The following ZNF263 variants were observed in gnomAD, a reference collection of about 807,000 sequenced individuals.
The protein encoded by ZNF263 is zinc finger protein 263.
A neutral mutation model predicts 63.1 loss-of-function variants in ZNF263; 49 were observed. The ratio of observed to expected loss-of-function variants is 0.78; its 90% CI spans 0.62 to 0.99. ZNF263 has a LOEUF of 0.99. ZNF263 is among the 50% of genes least tolerant of loss of function. The pLI is 0.00. For synonymous variants in ZNF263, 352 were observed against 324.2 expected (o/e 1.09, Z -0.92); for missense variants, 872 against 854.8 (o/e 1.02, Z -0.25).
chr16:3,292,015 T>C (rs1959624845), downstream of ZNF263, among the ~76,000 whole-genome samples: 1 of 152,186 alleles, frequency 6.6e-6, no homozygotes, highest in Admixed American at 6.5e-5. Context: ...TCAAGCCTTC[T>C]TCCCATCTTG....
chr16:3,290,194 C>T lies in ZNF263; in HGVS notation c.1688C>T (p.Thr563Ile), dbSNP rs895122062. 1 of 1,614,152 alleles carries T rather than the reference C, an allele frequency of 6.2e-7. No homozygotes were observed. Among genetic ancestry groups the T allele is most frequent in the Non-Finnish European group, 8.5e-7 (1 of 1,180,034 alleles). Residue 563 changes from threonine to isoleucine, a missense_variant, in exon 6 of 6, where the codon ACA (threonine) becomes ATA (isoleucine). Physicochemically the swap from Thr to Ile is moderately conservative, Grantham distance 89 (BLOSUM62 -1). Coordinates refer to ENST00000219069, the MANE Select transcript of ZNF263 (RefSeq NM_005741.5). ...EAVSDSTPFL[T>I]NHGAHKAEKK... is the part of the protein sequence containing the mutation. ...GTGAGTGACAGCACCCCCTTTCTTA[C>T]AAACCATGGAGCCCATAAGGCAGAG...
In ZNF263 at chr16:3,284,217, A is replaced by C; in HGVS notation, c.387+12A>C. On this transcript the variant is annotated intron_variant, in intron 1 of 5. Coordinates refer to ENST00000219069, the MANE Select transcript of ZNF263 (RefSeq NM_005741.5). ...GACTGAGACAACAGGTGAGAGAGAG[A>C]GAGAGCTGTTTTATCTGTGGTTTGT... is the stretch of plus-strand genomic sequence containing the variant. The C allele has an allele frequency of 2.0e-6, 3 of 1,514,904 alleles. No individual in the cohort carries two copies. The highest frequency in any genetic ancestry group is 1.8e-6 in the Non-Finnish European group (2 of 1,130,392). The allele number at this position is 1,514,904 out of a possible 1,614,324, so 93.8% of individuals were successfully genotyped here. A position where few individuals can be genotyped will look rare whatever the true frequency, so the allele number is the denominator to read the frequency against.
Position 3,283,843 on chromosome 16 carries a change from G to T in ZNF263, c.25G>T (p.Glu9Ter). ...GATGGCGTCGGGCCCGGGCTCCCAG[G>T]AACGGGAAGGGCTCCTGATAGTGAA... MASGPGSQEREGLLIVKLE... is the reference protein window; with the variant it reads MASGPGSQ Residue 9 changes from glutamate (E) to a stop codon, truncating the protein, a stop_gained, in exon 1 of 6, where the codon GAA becomes TAA. Transcript: ENST00000219069. LOFTEE classifies it high-confidence loss of function. 1 of 1,584,198 alleles carries T rather than the reference G, an allele frequency of 6.3e-7. No homozygotes were observed. Among genetic ancestry groups the T allele is most frequent in the African/African-American group, 1.3e-5 (1 of 74,092 alleles).
downstream of ZNF263, among the ~76,000 whole-genome samples, chr16:3,295,103 T>C (rs1339666354): frequency 1.3e-5 from 2 of 152,138 alleles, no homozygotes; most frequent in Non-Finnish European, 2.9e-5. Flanking sequence ...CAGGAGTGAT[T>C]TGCAGAACCA....
chr16:3,285,434 C>A (rs1959310466), intron 2 of ZNF263, among the ~76,000 whole-genome samples, 195 bp downstream of exon 2: 2 of 152,148 alleles, frequency 1.3e-5, no homozygotes, highest in African/African-American at 4.8e-5. Flanking sequence ...CTCAGTAGAG[C>A]CCTTTTTTAT....
chr16:3,299,223 T>C (rs748253409), intron 2 of ZNF263: 2 of 1,608,334 alleles, frequency 1.2e-6, no homozygotes, highest in African/African-American at 1.3e-5. Flanking sequence ...CTTCTCCTCC[T>C]TTTTGAACAA....
intron 1 of ZNF263, 92 bp from the exon 2 acceptor site, chr16:3,284,967 T>A (rs1014058615): frequency 1.3e-5 from 19 of 1,489,402 alleles, no homozygotes; most frequent in Non-Finnish European, 1.2e-5. Context: ...CGCCTGAGGT[T>A]CTCTGTTGAA....
rs752154335 is a variant in ZNF263, at chr16:3,290,591, G to T, written c.*33G>T. On this transcript the variant is annotated 3_prime_UTR_variant, in exon 6 of 6. Transcript: ENST00000219069. Reference sequence around the variant, plus strand: ...GGGGTTTCTCTTTGCCCCAGGTGAGGTGGCATATTCAGAGGAGCCTGTTGG... The same window carrying T: ...GGGGTTTCTCTTTGCCCCAGGTGAGTTGGCATATTCAGAGGAGCCTGTTGG... The T allele has an allele frequency of 1.9e-6, 3 of 1,569,234 alleles. No homozygotes were observed. The highest frequency in any genetic ancestry group is 4.5e-5 in the East Asian group (2 of 44,636).
In ZNF263 at chr16:3,285,132, C is replaced by T; in HGVS notation, c.461C>T (p.Pro154Leu). The stretch of plus-strand genomic sequence containing the variant: ...CCTCTGGAAACAGCACGAGAGTCAC[C>T]GAGCTTCAAGCTGGAGCCAATGGAG... ...PLPLETARES[P>L]SFKLEPMETE... is the part of the protein sequence containing the mutation. The change falls in exon 2 of 6, where the codon CCG (proline) becomes CTG (leucine). Residue 154 changes from proline to leucine, a missense_variant. Coordinates refer to ENST00000219069, the MANE Select transcript of ZNF263 (RefSeq NM_005741.5). The T allele has an allele frequency of 6.2e-7, 1 of 1,614,128 alleles. No homozygotes were observed.
At position 3,287,405 on chromosome 16, in the gene ZNF263, C is replaced by CTTT. The variant is rs34751211; in HGVS notation, c.770-1027_770-1025dup. The stretch of plus-strand genomic sequence containing the variant: ...ACAGGTGTGAGCCACCACACCCGGC[C>CTTT]TTTTTTTTTTTTTTTTTTTTTTTTG... On this transcript the variant is annotated intron_variant, in intron 4 of 5. Coordinates refer to ENST00000219069, the MANE Select transcript of ZNF263 (RefSeq NM_005741.5). Among the ~76,000 whole-genome samples the CTTT allele has an allele frequency of 2.6e-3, 258 of 97,838 alleles. 2 individuals are homozygous for CTTT. Among genetic ancestry groups the CTTT allele is most frequent in the Non-Finnish European group, 3.0e-3 (150 of 50,244 alleles). The allele number at this position is 97,838 out of a possible 152,430, so 64.2% of individuals were successfully genotyped here.
chr16:3,284,150 A>G lies in ZNF263; in HGVS notation c.332A>G (p.Glu111Gly). Reference sequence around the variant, plus strand: ...GAGCTGCATCCGGAGAGCGGCGAAGAAGCGGTGACCCTTGTGGAGGATATG... The same window carrying G: ...GAGCTGCATCCGGAGAGCGGCGAAGGAGCGGTGACCCTTGTGGAGGATATG... ...VQELHPESGE[E>G]AVTLVEDMQR... The change falls in exon 1 of 6, where the codon GAA becomes GGA. Residue 111 changes from glutamate to glycine, a missense_variant. Coordinates refer to ENST00000219069, the MANE Select transcript of ZNF263 (RefSeq NM_005741.5). 6.3e-7 allele frequency: 1 copy of G among 1,598,966 alleles called. No individual in the cohort carries two copies. Among genetic ancestry groups the G allele is most frequent in the South Asian group, 1.1e-5 (1 of 89,118 alleles).
chr16:3,300,613 A>C, intron 2 of ZNF263: 1 of 1,555,250 alleles, frequency 6.4e-7, no homozygotes, highest in Non-Finnish European at 8.7e-7. Flanking sequence ...TCTCTTATTC[A>C]TACTGAATTT....
At position 3,299,408 on chromosome 16, in the gene ZNF263, G is replaced by A. The variant is rs188747578; in HGVS notation, c.*46+252G>A. Reference sequence around the variant, plus strand: ...TCATATTCAGGTTCCTTTTTGTAAAGAAGATTTTCCCATGCATTTGCTATG... The same window carrying A: ...TCATATTCAGGTTCCTTTTTGTAAAAAAGATTTTCCCATGCATTTGCTATG... On this transcript the variant is annotated intron_variant, in intron 2 of 2. Transcript: ENST00000574674. The A allele has an allele frequency of 3.0e-5, 46 of 1,552,222 alleles. 1 individual carries two copies. In the East Asian group the frequency reaches 5.4e-4, roughly 18 times the overall value.
chr16:3,299,605 CT>C, intron 2 of ZNF263: 1 of 1,559,820 alleles, frequency 6.4e-7, no homozygotes, highest in South Asian at 1.2e-5. Flanking sequence ...CCGTTTGCAG[CT>C]CAAGATCACA....
chr16:3,299,222 C>G (rs1567258117), intron 2 of ZNF263: 1 of 1,607,256 alleles, frequency 6.2e-7, no homozygotes, highest in African/African-American at 1.3e-5. Context: ...GCTTCTCCTC[C>G]TTTTTGAACA....
chr16:3,289,387 T>C lies in ZNF263; in HGVS notation c.887-6T>C, dbSNP rs1169225443. On this transcript the variant is annotated splice_polypyrimidine_tract_variant and splice_region_variant and intron_variant, in intron 5 of 5. Transcript: ENST00000219069. ...TGTACGGGTTTGGTTTCTCTCTCTC[T>C]ACCAGGAGAAGAGAAATTTGAGAAC... 1.3e-6 allele frequency: 2 copies of C among 1,510,444 alleles called. No homozygotes were observed. Among genetic ancestry groups the C allele is most frequent in the Non-Finnish European group, 1.8e-6 (2 of 1,130,650 alleles). The allele number at this position is 1,510,444 out of a possible 1,614,324, so 93.6% of individuals were successfully genotyped here.
intron 4 of ZNF263, among the ~76,000 whole-genome samples, chr16:3,287,172 C>T (rs1313254239): frequency 6.6e-6 from 1 of 152,166 alleles, no homozygotes; most frequent in Non-Finnish European, 1.5e-5. Flanking sequence ...ATTCTGCAAA[C>T]GCAATCTTGC....
At chr16:3,300,378 A>G in intron 2 of ZNF263, 1 of 1,614,222 alleles carries the variant, frequency 6.2e-7, no homozygotes, top group Non-Finnish European at 8.5e-7. Context: ...CATCATCTAC[A>G]TCACCATATT....
rs145137579 is a variant in ZNF263, at chr16:3,290,894, G to T, written c.*336G>T. On this transcript the variant is annotated 3_prime_UTR_variant, in exon 6 of 6. Transcript: ENST00000219069. Reference sequence around the variant, plus strand: ...CTGTCCAGTTTACCTTAACAAGTTTGGGAATCCATGTGATGTTTTTGATAC... The same window carrying T: ...CTGTCCAGTTTACCTTAACAAGTTTTGGAATCCATGTGATGTTTTTGATAC... 2.1e-4 allele frequency: 220 copies of T among 1,044,500 alleles called. No individual in the cohort carries two copies. In the African/African-American group the frequency reaches 3.3e-3, roughly 16 times the overall value. 64.7% of individuals were successfully genotyped at this position (1,044,500 alleles called of 1,614,324 possible). A position where few individuals can be genotyped will look rare whatever the true frequency, so the allele number is the denominator to read the frequency against.
Sources: gnomAD v4.1 joint callset for allele counts (sites outside exome capture counted in the v4.1 genomes callset) on GRCh38, gnomAD v4.1.1 for gene constraint, MANE v1.5 for transcripts, NCBI Gene and HGNC (gene_info 2026-07-23, HGNC 2026-07-21) for gene names.